The following NUP98 variants were observed in gnomAD, a reference collection of about 807,000 sequenced individuals.
The protein encoded by NUP98 is nuclear pore complex protein Nup98-Nup96.
A neutral mutation model predicts 191.9 loss-of-function variants in NUP98; 26 were observed. That is an observed-to-expected ratio of 0.14 (90% confidence interval 0.10 to 0.19). The LOEUF (loss-of-function observed/expected upper bound fraction) is 0.19. Ranked by LOEUF, NUP98 falls within the 10% of genes least tolerant of loss-of-function variation. The pLI, the probability that NUP98 is intolerant of heterozygous loss-of-function variation, is 1.00. For missense variants in NUP98, 1,941 were observed against 2,178.8 expected (o/e 0.89, Z 2.17); for synonymous variants, 808 against 778.4 (o/e 1.04, Z -0.63).
chr11:3,721,961 TG>T lies in NUP98; in HGVS notation c.2147-1137del, dbSNP rs530945720. Among the ~76,000 whole-genome samples the T allele has an allele frequency of 5.9e-5, 9 of 152,188 alleles. No homozygotes were observed. The South Asian group carries it at 1.0e-3, about 18-fold the overall frequency. On this transcript the variant is annotated intron_variant, in intron 16 of 32. Coordinates refer to ENST00000324932, the MANE Select transcript of NUP98 (RefSeq NM_016320.5). Reference sequence around the variant, plus strand: ...AACACCCACTTGTATACTTGCTTCTTGGGAAGGGAACTCTAAATTGGGTGGC... The same window carrying T: ...AACACCCACTTGTATACTTGCTTCTTGGAAGGGAACTCTAAATTGGGTGGC...
intron 1 of NUP98, among the ~76,000 whole-genome samples, chr11:3,786,245 T>C (rs948069853): frequency 2.0e-5 from 3 of 152,150 alleles, no homozygotes; most frequent in East Asian, 1.9e-4. Flanking sequence ...TCACTATAAA[T>C]GGGGAACCTA....
chr11:3,692,662 G>A (rs2078355417), intron 27 of NUP98, among the ~76,000 whole-genome samples: 2 of 151,728 alleles, frequency 1.3e-5, no homozygotes, highest in Non-Finnish European at 2.9e-5. Context: ...TTTGGTCAAT[G>A]ATGTATTTCA....
intron 12 of NUP98, 90 bp from the exon 13 acceptor site, chr11:3,735,414 T>G (rs2080010986): frequency 5.9e-6 from 4 of 677,050 alleles, no homozygotes; most frequent in Non-Finnish European, 8.1e-6. Context: ...CGGTATTCTT[T>G]TTGAAGAAGT....
intron 11 of NUP98, among the ~76,000 whole-genome samples, chr11:3,753,032 T>C (rs921245277): frequency 6.6e-6 from 1 of 152,238 alleles, no homozygotes; most frequent in African/African-American, 2.4e-5. Context: ...TGAAAGTTAA[T>C]GTCCTCATGA....
intron 5 of NUP98, 143 bp from the exon 6 acceptor site, chr11:3,773,882 T>TATACTGCC (rs1431918623): frequency 3.8e-6 from 2 of 529,902 alleles, no homozygotes; most frequent in Non-Finnish European, 6.8e-6. Flanking sequence ...CTTGATTAAA[T>TATACTGCC]ATACTGCCAT....
At chr11:3,767,797 C>G (rs970750858) in intron 8 of NUP98, among the ~76,000 whole-genome samples, 3 of 151,320 alleles carry the variant, frequency 2.0e-5, no homozygotes, top group Admixed American at 2.0e-4. Flanking sequence ...CAGTATGGCT[C>G]TAAGTCGTAG....
chr11:3,720,761 G>T lies in NUP98; in HGVS notation c.2211C>A (p.Thr737=), dbSNP rs1244760426. 6.3e-7 allele frequency: 1 copy of T among 1,585,664 alleles called. No individual in the cohort carries two copies. The highest frequency in any genetic ancestry group is 8.6e-7 in the Non-Finnish European group (1 of 1,161,812). Residue 737 remains threonine, a synonymous_variant, in exon 17 of 33, where the codon ACC becomes ACA. Coordinates refer to ENST00000324932, the MANE Select transcript of NUP98 (RefSeq NM_016320.5). ...IPSMDDLAKI[T]NEKGECIVSD... ...AGACAATGCACTCTCCTTTTTCATT[G>T]GTAATTTTAGCAAGGTCATCCATAG...
chr11:3,757,703 G>T (rs1331864026), intron 10 of NUP98, among the ~76,000 whole-genome samples: 1 of 152,012 alleles, frequency 6.6e-6, no homozygotes, highest in Non-Finnish European at 1.5e-5. Context: ...GGAGGCTGAG[G>T]CAGAAGAATC....
intron 10 of NUP98, among the ~76,000 whole-genome samples, chr11:3,753,905 C>T (rs1382987226): frequency 6.6e-6 from 1 of 151,110 alleles, no homozygotes; most frequent in Non-Finnish European, 1.5e-5. Context: ...CGCCACTGCA[C>T]TCCAGCCTGG....
intron 4 of NUP98, 36 bp downstream of exon 4, chr11:3,778,837 T>C (rs764053983): frequency 5.0e-6 from 8 of 1,587,880 alleles, no homozygotes; most frequent in Non-Finnish European, 6.9e-6. Flanking sequence ...GCAAACCAAA[T>C]TATTAGATGC....
chr11:3,719,206 TA>T (rs1032364155), intron 18 of NUP98, among the ~76,000 whole-genome samples: 5 of 151,956 alleles, frequency 3.3e-5, no homozygotes, highest in Admixed American at 6.6e-5. Flanking sequence ...AAAAATGAAT[TA>T]AAAAATAAAA....
chr11:3,737,589 T>C (rs952744550), intron 12 of NUP98, among the ~76,000 whole-genome samples: 4 of 152,178 alleles, frequency 2.6e-5, no homozygotes, highest in African/African-American at 9.7e-5. Flanking sequence ...GTCGTGCCAC[T>C]TCACTCTAGC....
chr11:3,764,903 T>C (rs923217975), intron 8 of NUP98, among the ~76,000 whole-genome samples: 9 of 152,160 alleles, frequency 5.9e-5, no homozygotes, highest in African/African-American at 2.2e-4. Flanking sequence ...ATTGTATCTT[T>C]CAAATAGGTA....
At chr11:3,768,051 A>G (rs533471439) in intron 8 of NUP98, among the ~76,000 whole-genome samples, 9 of 152,310 alleles carry the variant, frequency 5.9e-5, no homozygotes, top group African/African-American at 1.7e-4. Flanking sequence ...TTCAGAAAGG[A>G]TAAGTGATCG....
chr11:3,728,090 A>C (rs903625916), intron 14 of NUP98, among the ~76,000 whole-genome samples: 8 of 152,196 alleles, frequency 5.3e-5, no homozygotes, highest in African/African-American at 1.9e-4. Context: ...GTGAGTACAG[A>C]GCGTCAGGGT....
At chr11:3,719,635 A>T (rs955751676) in intron 17 of NUP98, 85 bp from the exon 18 acceptor site, 5 of 993,964 alleles carry the variant, frequency 5.0e-6, no homozygotes, top group South Asian at 4.7e-5. Flanking sequence ...AACAATCACA[A>T]GGAGAAAGCA....
chr11:3,695,578 A>C lies in NUP98; in HGVS notation c.4038T>G (p.Ser1346=). 6.3e-7 allele frequency: 1 copy of C among 1,596,720 alleles called. No individual in the cohort carries two copies. Among genetic ancestry groups the C allele is most frequent in the East Asian group, 2.3e-5 (1 of 44,250 alleles). The change falls in exon 26 of 33, where the codon TCT becomes TCG. Residue 1346 remains serine (S), a synonymous_variant. Coordinates refer to ENST00000324932, the MANE Select transcript of NUP98 (RefSeq NM_016320.5). ...SGDHRLALLL[S]QFVGSQSVRE... The stretch of plus-strand genomic sequence containing the variant: ...GGACTGACTGGCTACCCACAAACTG[A>C]GATAAAAGAAGAGCAAGACGATGAT...
At chr11:3,696,433 C>T (rs1589976373) in intron 25 of NUP98, among the ~76,000 whole-genome samples, 1 of 151,602 alleles carries the variant, frequency 6.6e-6, no homozygotes, top group East Asian at 2.0e-4. Context: ...ACCCAGAAGG[C>T]AGAAGTTGCA....
At chr11:3,746,035 C>T (rs1252543111) in intron 11 of NUP98, among the ~76,000 whole-genome samples, 6 of 151,930 alleles carry the variant, frequency 3.9e-5, no homozygotes, top group South Asian at 2.1e-4. Context: ...TTTGGGAGGT[C>T]GAGGCGGGTG....
Sources: gnomAD v4.1 joint callset for allele counts (sites outside exome capture counted in the v4.1 genomes callset) on GRCh38, gnomAD v4.1.1 for gene constraint, MANE v1.5 for transcripts, NCBI Gene and HGNC (gene_info 2026-07-23, HGNC 2026-07-21) for gene names.